Variants in SVOP observed in about 807,000 individuals in gnomAD.
The protein encoded by SVOP is synaptic vesicle 2-related protein.
In SVOP, 17 loss-of-function variants were observed where a neutral mutation model predicts 69.1. The observed-to-expected ratio is 0.25, with a 90% confidence interval of 0.17 to 0.37. The LOEUF is 0.37. Ranked by LOEUF, SVOP falls within the 10% of genes least tolerant of loss-of-function variation. The probability of loss-of-function intolerance (pLI) is 1.00; values close to 1 mark genes in which losing one functional copy is unlikely to be tolerated. For missense variants in SVOP, 435 were observed against 597.5 expected (o/e 0.73, Z 2.84); for synonymous variants, 238 against 238.6 (o/e 1.00, Z 0.02).
intron 14 of SVOP, 57 bp from the exon 15 acceptor site, chr12:108,915,929 C>A: frequency 6.8e-7 from 1 of 1,470,836 alleles, no homozygotes. Context: ...CCCACCACTC[C>A]AGCTCCAAGC....
At chr12:108,996,218 G>A (rs146884866) in intron 1 of SVOP, among the ~76,000 whole-genome samples, 1 of 152,162 alleles carries the variant, frequency 6.6e-6, no homozygotes, top group African/African-American at 2.4e-5. Context: ...AAGAAAAAGT[G>A]GTATAGCATG....
intron 4 of SVOP, among the ~76,000 whole-genome samples, chr12:108,975,733 A>G (rs1337546005): frequency 2.6e-5 from 4 of 151,974 alleles, no homozygotes; most frequent in African/African-American, 9.7e-5. Flanking sequence ...ATGGAGTGTC[A>G]CTCTGTCACC....
intron 2 of SVOP, among the ~76,000 whole-genome samples, chr12:108,982,313 TTCA>T (rs1177058545): frequency 2.2e-4 from 32 of 146,164 alleles, no homozygotes; most frequent in East Asian, 2.1e-4. Context: ...CACCATCATT[TTCA>T]TCATCATCAC....
At chr12:108,912,844 G>T in intron 15 of SVOP, 103 bp from the exon 16 acceptor site, 1 of 1,201,940 alleles carries the variant, frequency 8.3e-7, no homozygotes, top group Non-Finnish European at 1.2e-6. Context: ...CGTGATATCT[G>T]CTTGCTAAAA....
chr12:108,970,287 T>A (rs1449304603), intron 5 of SVOP, among the ~76,000 whole-genome samples: 1 of 152,180 alleles, frequency 6.6e-6, no homozygotes, highest in Non-Finnish European at 1.5e-5. Flanking sequence ...AAGACCTGAT[T>A]CTGTGATGAG....
At chr12:109,007,142 A>G (rs2040313538) in intron 1 of SVOP, among the ~76,000 whole-genome samples, 1 of 152,172 alleles carries the variant, frequency 6.6e-6, no homozygotes, top group African/African-American at 2.4e-5. Context: ...GCAAGAAGGG[A>G]TCACCTTGTT....
intron 5 of SVOP, among the ~76,000 whole-genome samples, chr12:108,965,118 C>T (rs554581609): frequency 6.6e-6 from 1 of 152,358 alleles, no homozygotes; most frequent in Admixed American, 6.5e-5. Flanking sequence ...CCGTAAGGAA[C>T]ATGACAGCCA....
chr12:108,919,955 C>G (rs2039738594), intron 12 of SVOP, among the ~76,000 whole-genome samples, 169 bp from the exon 13 acceptor site: 1 of 152,130 alleles, frequency 6.6e-6, no homozygotes, highest in African/African-American at 2.4e-5. Flanking sequence ...CTTTTGAGGT[C>G]AGGTGATAAA....
intron 5 of SVOP, among the ~76,000 whole-genome samples, chr12:108,961,631 G>A (rs1158364539): frequency 2.0e-5 from 3 of 152,088 alleles, no homozygotes; most frequent in African/African-American, 7.2e-5. Flanking sequence ...CTTTCACTCA[G>A]GGTTTATCTA....
At chr12:108,931,497 A>T (rs10778672) in intron 11 of SVOP, among the ~76,000 whole-genome samples, 73,135 of 152,088 alleles carry the variant, frequency 0.48, 19,571 homozygotes, top group East Asian at 0.64. Context: ...CTTGAGCTCC[A>T]CCTGCTCTCC....
At chr12:108,997,324 T>G (rs1162024501) in intron 1 of SVOP, among the ~76,000 whole-genome samples, 1 of 152,128 alleles carries the variant, frequency 6.6e-6, no homozygotes, top group Non-Finnish European at 1.5e-5. Flanking sequence ...CCACGGAGTC[T>G]CGCTGATTGC....
chr12:108,945,262 G>A, intron 6 of SVOP, 96 bp from the exon 7 acceptor site: 1 of 1,213,016 alleles, frequency 8.2e-7, no homozygotes. Context: ...TTCCTCCAAG[G>A]GTGGTCAGTG....
At chr12:108,922,666 C>T (rs760071293) in intron 12 of SVOP, 24 bp downstream of exon 12, 3 of 1,556,506 alleles carry the variant, frequency 1.9e-6, no homozygotes, top group South Asian at 2.3e-5. Context: ...CCTGACACAG[C>T]TTCACCTTGC....
intron 4 of SVOP, among the ~76,000 whole-genome samples, chr12:108,973,599 T>C (rs1422172488): frequency 6.6e-6 from 1 of 152,128 alleles, no homozygotes; most frequent in African/African-American, 2.4e-5. Context: ...GGATCTCACT[T>C]CGTTGTCCAG....
intron 1 of SVOP, among the ~76,000 whole-genome samples, chr12:108,995,008 G>T (rs1334874931): frequency 6.6e-6 from 1 of 151,954 alleles, no homozygotes; most frequent in Non-Finnish European, 1.5e-5. Flanking sequence ...AGCTGGGCAT[G>T]GTGGTGCGTG....
chr12:109,009,140 T>G (rs1236869929), intron 1 of SVOP, among the ~76,000 whole-genome samples: 2 of 151,608 alleles, frequency 1.3e-5, no homozygotes, highest in Non-Finnish European at 2.9e-5. Context: ...TTTTATATTT[T>G]TAGTAGAGAC....
chr12:108,963,317 T>A lies in SVOP; in HGVS notation c.454-2270A>T, dbSNP rs562205165. Among the ~76,000 whole-genome samples the A allele has an allele frequency of 2.0e-5, 3 of 152,276 alleles. No homozygotes were observed. In the East Asian group the frequency reaches 5.8e-4, roughly 29 times the overall value. On this transcript the variant is annotated intron_variant, in intron 5 of 15. Coordinates refer to ENST00000610966, the MANE Select transcript of SVOP (RefSeq NM_018711.5). ...TGAGGAAATTTGGAAGCCTACCAAA[T>A]GATTTCGAGTCTTTTAGAAAATGAC...
In SVOP at chr12:108,940,842, C is replaced by A; in HGVS notation, c.710G>T (p.Trp237Leu). Residue 237 changes from tryptophan to leucine, a missense_variant, in exon 8 of 16, where the codon TGG becomes TTG. Coordinates refer to ENST00000610966, the MANE Select transcript of SVOP (RefSeq NM_018711.5). Reference protein sequence around the residue: ...LAVFVMPSLGWRWLLILSAVP... With the variant: ...LAVFVMPSLGLRWLLILSAVP... ...AGCTGAGAGGATGAGCAGCCAACGC[C>A]AGCCCAGGCTGGGCATCACGAACAC... The A allele has an allele frequency of 2.0e-6, 3 of 1,537,224 alleles. No homozygotes were observed. Among genetic ancestry groups the A allele is most frequent in the Non-Finnish European group, 2.6e-6 (3 of 1,146,904 alleles).
chr12:108,995,772 A>G (rs2040228479), intron 1 of SVOP, among the ~76,000 whole-genome samples: 1 of 151,824 alleles, frequency 6.6e-6, no homozygotes, highest in South Asian at 2.1e-4. Context: ...GTGTTGGGTC[A>G]TGCCTGTAAT....
Sources: allele counts gnomAD v4.1 joint callset (sites outside exome capture counted in the v4.1 genomes callset), GRCh38; gene constraint gnomAD v4.1.1; transcripts MANE v1.5; gene names NCBI Gene and HGNC (gene_info 2026-07-23, HGNC 2026-07-21).